The following NGLY1 variants were observed in gnomAD, a reference collection of about 807,000 sequenced individuals.
The protein encoded by NGLY1 is N-glycanase 1, also known as peptide-N(4)-(N-acetyl-beta-glucosaminyl)asparagine amidase.
A neutral mutation model predicts 84.6 loss-of-function variants in NGLY1; 68 were observed. The ratio of observed to expected loss-of-function variants is 0.80; its 90% CI spans 0.66 to 0.98. NGLY1 has a LOEUF of 0.98. NGLY1 is among the 50% of genes least tolerant of loss of function. The probability of loss-of-function intolerance (pLI) is 0.00; values close to 1 mark genes in which losing one functional copy is unlikely to be tolerated. For missense variants in NGLY1, 779 were observed against 770.2 expected (o/e 1.01, Z -0.14); for synonymous variants, 280 against 275.2 (o/e 1.02, Z -0.17).
chr3:25,758,354 T>A (rs557434301), intron 3 of NGLY1, among the ~76,000 whole-genome samples: 1 of 152,220 alleles, frequency 6.6e-6, no homozygotes, highest in African/African-American at 2.4e-5. Flanking sequence ...GGCAGGCGGA[T>A]TGCTTGAGAC....
In NGLY1 at chr3:25,719,617, T is replaced by A. The variant is rs777069327; in HGVS notation, c.1808A>T (p.Tyr603Phe). 6.2e-7 allele frequency: 1 copy of A among 1,613,476 alleles called. No individual in the cohort carries two copies. Residue 603 changes from tyrosine (Y) to phenylalanine (F), a missense_variant, in exon 12 of 12, where the codon TAT (tyrosine) becomes TTT (phenylalanine). Transcript: ENST00000280700. Reference protein sequence around the residue: ...ELTGDNSLHSYADFSGATEVI... With the variant: ...ELTGDNSLHSFADFSGATEVI... Reference sequence around the variant, plus strand: ...TTCAGTGGCACCAGAAAAATCAGCATAGGAGTGAAGACTGTTATCTGTTAG... The same window carrying A: ...TTCAGTGGCACCAGAAAAATCAGCAAAGGAGTGAAGACTGTTATCTGTTAG...
intron 5 of NGLY1, among the ~76,000 whole-genome samples, chr3:25,737,699 G>A (rs1163407877): frequency 5.9e-5 from 9 of 151,794 alleles, no homozygotes; most frequent in Non-Finnish European, 1.3e-4. Context: ...CATGCCACCA[G>A]GTCTGGCTAA....
At position 25,719,627 on chromosome 3, in the gene NGLY1, G is replaced by C. The variant is rs946551466; in HGVS notation, c.1798C>G (p.Leu600Val). ...AQVELTGDNS[L>V]HSYADFSGAT... is the part of the protein sequence containing the mutation. Reference sequence around the variant, plus strand: ...CCAGAAAAATCAGCATAGGAGTGAAGACTGTTATCTGTTAGAGGGAAAAAA... The same window carrying C: ...CCAGAAAAATCAGCATAGGAGTGAACACTGTTATCTGTTAGAGGGAAAAAA... Residue 600 changes from leucine to valine, a missense_variant, in exon 12 of 12, where the codon CTT becomes GTT. Transcript: ENST00000280700. The C allele has an allele frequency of 6.2e-7, 1 of 1,611,660 alleles. No individual in the cohort carries two copies. Among genetic ancestry groups the C allele is most frequent in the South Asian group, 1.1e-5 (1 of 90,694 alleles).
In NGLY1 at chr3:25,739,878, C is replaced by T. The variant is rs994280924; in HGVS notation, c.659-79G>A. 15 of 1,040,326 alleles carry T rather than the reference C, an allele frequency of 1.4e-5. 1 individual carries two copies. Among genetic ancestry groups the T allele is most frequent in the South Asian group, 9.7e-5 (6 of 62,122 alleles). 64.4% of individuals were successfully genotyped at this position (1,040,326 alleles called of 1,614,324 possible). A position where few individuals can be genotyped will look rare whatever the true frequency, so the allele number is the denominator to read the frequency against. On this transcript the variant is annotated intron_variant, in intron 4 of 11. Transcript: ENST00000280700. ...ATCCAAACATATTTATTCTCAAATA[C>T]GAACCTGAAAAATATGAAAACATAA...
At chr3:25,783,909 A>G (rs746765214), upstream of NGLY1, 1 of 152,616 alleles carries the variant, frequency 6.6e-6, no homozygotes, top group Non-Finnish European at 1.5e-5. This position sits in a 1 kb window ranked among gnomAD's most constrained non-coding sequence, Gnocchi z 4.5. Context: ...GTCTAGAGGT[A>G]TCGGGCGAAT....
At chr3:25,778,371 T>A (rs1708249349) in intron 2 of NGLY1, 2 of 407,544 alleles carry the variant, frequency 4.9e-6, no homozygotes, top group Non-Finnish European at 9.0e-6. Context: ...AATTTCTCTG[T>A]GGAGCGTTGT....
intron 3 of NGLY1, among the ~76,000 whole-genome samples, chr3:25,760,858 C>G (rs1707287933): frequency 9.3e-6 from 1 of 107,686 alleles, no homozygotes; most frequent in African/African-American, 4.6e-5. Context: ...GAAACTCTGT[C>G]TCAAAAAAAA....
At chr3:25,761,515 C>T (rs1707323674) in intron 3 of NGLY1, among the ~76,000 whole-genome samples, 1 of 152,174 alleles carries the variant, frequency 6.6e-6, no homozygotes, top group African/African-American at 2.4e-5. Context: ...AAATGAACTA[C>T]TACTTAACAA....
At chr3:25,749,832 C>A in intron 4 of NGLY1, 1 of 1,123,182 alleles carries the variant, frequency 8.9e-7, no homozygotes, top group Non-Finnish European at 1.3e-6. Context: ...ATGGAAAGAG[C>A]CACCCAGCTG....
chr3:25,755,250 ATGCAGGACCT>A, intron 3 of NGLY1: 1 of 1,373,086 alleles, frequency 7.3e-7, no homozygotes, highest in East Asian at 2.3e-5. Context: ...ATTAAGCCAT[ATGCAGGACCT>A]AGACTCCCAC....
At chr3:25,747,963 C>A (rs1273189325) in intron 4 of NGLY1, among the ~76,000 whole-genome samples, 1 of 152,056 alleles carries the variant, frequency 6.6e-6, no homozygotes, top group Non-Finnish European at 1.5e-5. Flanking sequence ...AATGAAGAAC[C>A]AAGAAAAATC....
chr3:25,787,687 T>C (rs1337488831), upstream of NGLY1, among the ~76,000 whole-genome samples: 2 of 152,192 alleles, frequency 1.3e-5, no homozygotes, highest in African/African-American at 2.4e-5. Flanking sequence ...CACTCCAAAT[T>C]ATACCATGAA....
intron 4 of NGLY1, among the ~76,000 whole-genome samples, chr3:25,747,319 T>C (rs1706485971): frequency 6.6e-6 from 1 of 152,154 alleles, no homozygotes; most frequent in South Asian, 2.1e-4. Flanking sequence ...AGGGCCTGTA[T>C]AATCACATAT....
chr3:25,755,795 TA>T, intron 3 of NGLY1: 1 of 626,160 alleles, frequency 1.6e-6, no homozygotes, highest in East Asian at 2.8e-5. Flanking sequence ...TCATATTAGT[TA>T]AAACTGTTAG....
intron 9 of NGLY1, among the ~76,000 whole-genome samples, chr3:25,731,539 T>C (rs947337046): frequency 3.3e-5 from 5 of 152,074 alleles, no homozygotes; most frequent in African/African-American, 1.2e-4. Flanking sequence ...TGTTTGGCAA[T>C]ATGTACTAAA....
chr3:25,734,487 G>A (rs1705717680), intron 7 of NGLY1: 1 of 151,530 alleles, frequency 6.6e-6, no homozygotes, highest in South Asian at 2.1e-4. Context: ...CAGATCACCT[G>A]AGGTCAGGAG....
intron 3 of NGLY1, chr3:25,755,758 A>G (rs1325420354): frequency 2.3e-6 from 2 of 853,584 alleles, no homozygotes; most frequent in African/African-American, 3.4e-5. Flanking sequence ...AATATTCTAG[A>G]TCTTCTCGTT....
chr3:25,753,925 A>G (rs1168205217), intron 3 of NGLY1, among the ~76,000 whole-genome samples: 1 of 152,242 alleles, frequency 6.6e-6, no homozygotes, highest in African/African-American at 2.4e-5. Flanking sequence ...CAGGCACTGT[A>G]TTAAGCACTG....
chr3:25,747,133 T>C (rs976759937), intron 4 of NGLY1, among the ~76,000 whole-genome samples: 6 of 152,238 alleles, frequency 3.9e-5, no homozygotes, highest in Middle Eastern at 3.2e-3. Flanking sequence ...ATCTGTATAT[T>C]TGAATTCTCA....
Sources: allele counts gnomAD v4.1 joint callset (sites outside exome capture counted in the v4.1 genomes callset), GRCh38; gene constraint gnomAD v4.1.1; non-coding constraint Gnocchi (gnomAD v3.1); transcripts MANE v1.5; gene names NCBI Gene and HGNC (gene_info 2026-07-23, HGNC 2026-07-21).